NUB1: variants seen among roughly 807,000 people sequenced by gnomAD.
NUB1 encodes the protein NEDD8 ultimate buster 1.
NUB1 carries 41 observed loss-of-function variants against 77.1 expected under a neutral mutation model. That is an observed-to-expected ratio of 0.53 (90% CI 0.41 to 0.69). The LOEUF is 0.69. NUB1 is among the 30% of genes least tolerant of loss of function. NUB1 has a pLI of 0.00. For missense variants in NUB1, 643 were observed against 743.8 expected (o/e 0.86, Z 1.58); for synonymous variants, 257 against 281.0 (o/e 0.91, Z 0.85).
chr7:151,367,159 A>ACAT (rs1797729900), intron 9 of NUB1, 34 bp downstream of exon 9: 3 of 1,546,824 alleles, frequency 1.9e-6, no homozygotes, highest in Non-Finnish European at 2.7e-6. Flanking sequence ...TGTCTCGTTG[A>ACAT]GTCCATTTCT....
intron 3 of NUB1, among the ~76,000 whole-genome samples, chr7:151,349,503 C>T (rs537072572): frequency 1.3e-5 from 2 of 152,170 alleles, no homozygotes; most frequent in South Asian, 2.1e-4. Flanking sequence ...AGCGTGTGAA[C>T]GTTGAGAAAT....
chr7:151,377,340 T>C lies in NUB1; in HGVS notation c.*115T>C. On this transcript the variant is annotated 3_prime_UTR_variant, in exon 15 of 15. Coordinates refer to ENST00000568733, the MANE Select transcript of NUB1 (RefSeq NM_001243351.2). Reference sequence around the variant, plus strand: ...CTGAATTACAAGTCCTCTTTGGGTGTAGGAGGGGGTGGGCAGGGGACAAGT... The same window carrying C: ...CTGAATTACAAGTCCTCTTTGGGTGCAGGAGGGGGTGGGCAGGGGACAAGT... 1 of 729,140 alleles carries C rather than the reference T, an allele frequency of 1.4e-6. No homozygotes were observed. Among genetic ancestry groups the C allele is most frequent in the Non-Finnish European group, 2.1e-6 (1 of 472,364 alleles). 45.2% of individuals were successfully genotyped at this position (729,140 alleles called of 1,614,324 possible). A position where few individuals can be genotyped will look rare whatever the true frequency, so the allele number is the denominator to read the frequency against.
chr7:151,356,724 T>G (rs1797082920), intron 7 of NUB1, among the ~76,000 whole-genome samples: 1 of 152,192 alleles, frequency 6.6e-6, no homozygotes, highest in East Asian at 1.9e-4. Context: ...TTTGTTTGTT[T>G]TTTTGTTTTT....
intron 12 of NUB1, among the ~76,000 whole-genome samples, chr7:151,374,932 G>T (rs1798140657): frequency 6.6e-6 from 1 of 152,152 alleles, no homozygotes; most frequent in South Asian, 2.1e-4. Flanking sequence ...GCTGTGTGGA[G>T]GCAGCAGTCC....
intron 8 of NUB1, among the ~76,000 whole-genome samples, chr7:151,365,136 T>C (rs1338895764): frequency 1.3e-5 from 2 of 151,990 alleles, no homozygotes; most frequent in African/African-American, 2.4e-5. Context: ...CTAAATGCAA[T>C]TTATACCAGG....
intron 12 of NUB1, among the ~76,000 whole-genome samples, 155 bp from the exon 13 acceptor site, chr7:151,375,693 C>G (rs1563032373): frequency 6.6e-6 from 1 of 152,240 alleles, no homozygotes; most frequent in Non-Finnish European, 1.5e-5. Context: ...TGGCTGGAAG[C>G]CTTCTGTGAA....
At chr7:151,359,507 C>T (rs183961522) in intron 7 of NUB1, among the ~76,000 whole-genome samples, 63 of 146,750 alleles carry the variant, frequency 4.3e-4, no homozygotes, top group Admixed American at 1.4e-3. Context: ...AGCCGGGCAC[C>T]GTGGCTCACG....
At chr7:151,357,473 T>C (rs1365453734) in intron 7 of NUB1, among the ~76,000 whole-genome samples, 2 of 152,114 alleles carry the variant, frequency 1.3e-5, no homozygotes, top group Non-Finnish European at 2.9e-5. Context: ...CTAAGATCAA[T>C]CTCTGAGAAA....
At chr7:151,360,415 T>A in intron 8 of NUB1, 168 bp downstream of exon 8, 1 of 478,880 alleles carries the variant, frequency 2.1e-6, no homozygotes, top group Admixed American at 3.5e-5. Context: ...TTTGTATTTC[T>A]AATTGACCTT....
intron 8 of NUB1, among the ~76,000 whole-genome samples, chr7:151,363,037 A>G (rs534806825): frequency 1.3e-5 from 2 of 152,374 alleles, no homozygotes; most frequent in South Asian, 4.1e-4. Context: ...ACCGTTTTCA[A>G]ATAAGTGCAT....
intron 3 of NUB1, among the ~76,000 whole-genome samples, chr7:151,350,424 A>ACCAAGGTCTGCTAAGTAACGG (rs1796738471): frequency 6.6e-6 from 1 of 152,186 alleles, no homozygotes; most frequent in Admixed American, 6.5e-5. Context: ...CTAAGTAACG[A>ACCAAGGTCTGCTAAGTAACGG]GGGCCTTTCC....
Position 151,374,243 on chromosome 7 carries a change from G to A in NUB1, c.1395G>A (p.Lys465=). 1.3e-6 allele frequency: 2 copies of A among 1,553,422 alleles called. No homozygotes were observed. Among genetic ancestry groups the A allele is most frequent in the East Asian group, 4.9e-5 (2 of 40,998 alleles). Residue 465 remains lysine, a splice_region_variant and synonymous_variant, in exon 12 of 15, where the codon AAG becomes AAA. Coordinates refer to ENST00000568733, the MANE Select transcript of NUB1 (RefSeq NM_001243351.2). ...GCGGGAACTTGGATGAGGCCCTGAA[G>A]GTAGCAGCTCCCTCGGGGCCTCTGG... ...AASGNLDEAL[K]ILLSNPQMWW...
intron 2 of NUB1, among the ~76,000 whole-genome samples, chr7:151,348,252 T>G (rs1796598989): frequency 6.6e-6 from 1 of 152,180 alleles, no homozygotes; most frequent in Non-Finnish European, 1.5e-5. Context: ...CTTTTTTTTC[T>G]CAATTCTAAA....
Position 151,377,189 on chromosome 7 carries a change from T to C in NUB1, c.1812T>C (p.Tyr604=). Residue 604 remains tyrosine (Y), a synonymous_variant, in exon 15 of 15, where the codon TAT becomes TAC. Transcript: ENST00000568733. ...EEIIIAEYLS[Y]VENRKSATKK... ...TTATTATTGCAGAGTACCTATCCTATGTAGAAAATAGGAAGTCAGCAACAA... is the reference window on the plus strand; with the variant it reads ...TTATTATTGCAGAGTACCTATCCTACGTAGAAAATAGGAAGTCAGCAACAA... The C allele has an allele frequency of 6.4e-7, 1 of 1,567,334 alleles. No individual in the cohort carries two copies. Among genetic ancestry groups the C allele is most frequent in the Non-Finnish European group, 8.6e-7 (1 of 1,158,612 alleles).
At chr7:151,370,789 C>A (rs912468486) in intron 11 of NUB1, among the ~76,000 whole-genome samples, 1 of 148,146 alleles carries the variant, frequency 6.8e-6, no homozygotes, top group Admixed American at 6.9e-5. Flanking sequence ...TGAGAATATG[C>A]GGTGTTTGGT....
Position 151,360,144 on chromosome 7 carries a change from C to T in NUB1, c.697C>T (p.Leu233Phe), listed in dbSNP as rs771093682. The change falls in exon 8 of 15, where the codon CTT becomes TTT. Residue 233 changes from leucine (L) to phenylalanine (F), a missense_variant. Leu to Phe is a conservative substitution (Grantham distance 22). Coordinates refer to ENST00000568733, the MANE Select transcript of NUB1 (RefSeq NM_001243351.2). The part of the protein sequence containing the change: ...IRIPPSERKA[L>F]MLAMGYHEKG... ...TTAAATTTGTATTTTTTCCTAGGCC[C>T]TTATGTTAGCTATGGGATATCATGA... 3.3e-6 allele frequency: 5 copies of T among 1,537,750 alleles called. No individual in the cohort carries two copies. Among genetic ancestry groups the T allele is most frequent in the Non-Finnish European group, 4.5e-6 (5 of 1,115,142 alleles).
chr7:151,359,997 T>G (rs959149449), intron 7 of NUB1, 144 bp from the exon 8 acceptor site: 1 of 524,228 alleles, frequency 1.9e-6, no homozygotes, highest in African/African-American at 1.9e-5. Flanking sequence ...ATTAATTATA[T>G]TTTTCTTAAT....
chr7:151,351,994 T>C (rs1489766683), intron 4 of NUB1: 2 of 426,240 alleles, frequency 4.7e-6, no homozygotes, highest in Non-Finnish European at 9.5e-6. Flanking sequence ...TTTCATCTCC[T>C]TGTATGTTTT....
intron 5 of NUB1, among the ~76,000 whole-genome samples, 155 bp from the exon 6 acceptor site, chr7:151,355,613 T>C (rs423252): frequency 0.69 from 105,565 of 152,192 alleles, 37,178 homozygotes; most frequent in East Asian, 0.9. Flanking sequence ...ATGAAGGCTG[T>C]GGGGAGCCAT....
Sources: gnomAD v4.1 joint callset for allele counts (sites outside exome capture counted in the v4.1 genomes callset) on GRCh38, gnomAD v4.1.1 for gene constraint, MANE v1.5 for transcripts, NCBI Gene and HGNC (gene_info 2026-07-23, HGNC 2026-07-21) for gene names.